N4BP2: variants seen among roughly 807,000 people sequenced by gnomAD.
The protein encoded by N4BP2 is NEDD4-binding protein 2.
A neutral mutation model predicts 152.8 loss-of-function variants in N4BP2; 91 were observed. The observed-to-expected ratio is 0.60, with a 90% CI of 0.50 to 0.71. The LOEUF (loss-of-function observed/expected upper bound fraction) is 0.71, where lower values mean the gene tolerates loss of function less well. N4BP2 is among the 30% of genes least tolerant of loss of function. The pLI is 0.00. For missense variants in N4BP2, 1,923 were observed against 2,059.1 expected, an observed-to-expected ratio of 0.93 and a Z score of 1.28; for synonymous variants, 646 against 705.3, an observed-to-expected ratio of 0.92 and a Z score of 1.33.
At chr4:40,091,981 CAAAAAAAAA>C (rs1189250112) in intron 2 of N4BP2, among the ~76,000 whole-genome samples, 1 of 20,034 alleles carries the variant, frequency 5.0e-5, no homozygotes, top group African/African-American at 1.9e-4. Context: ...GACCTTGTGT[CAAAAAAAAA>C]AAAAAAAAAA....
the N4BP2 span, among the ~76,000 whole-genome samples, chr4:40,168,703 GAATA>G: frequency 6.6e-6 from 1 of 151,468 alleles, no homozygotes; most frequent in Non-Finnish European, 1.5e-5. Context: ...ATTCTTCAGA[GAATA>G]AATATGTATA....
intron 2 of N4BP2, among the ~76,000 whole-genome samples, chr4:40,092,285 T>A (rs1714678974): frequency 1.4e-5 from 2 of 142,026 alleles, no homozygotes; most frequent in African/African-American, 2.5e-5. Flanking sequence ...GCCCTGGAAA[T>A]TTTTTTTTTT....
chr4:40,080,171 G>T (rs919643221), intron 2 of N4BP2, among the ~76,000 whole-genome samples: 1 of 151,908 alleles, frequency 6.6e-6, no homozygotes, highest in African/African-American at 2.4e-5. Flanking sequence ...TATTAATAAG[G>T]AGGCTCTCAT....
intron 1 of N4BP2, among the ~76,000 whole-genome samples, chr4:40,063,988 G>GT (rs2109886703): frequency 6.6e-6 from 1 of 151,756 alleles, no homozygotes; most frequent in African/African-American, 2.4e-5. Context: ...CGGCAGGGGG[G>GT]GGTCTCACTA....
the N4BP2 span, among the ~76,000 whole-genome samples, chr4:40,181,055 C>T: frequency 6.6e-6 from 1 of 152,178 alleles, no homozygotes; most frequent in African/African-American, 2.4e-5. Context: ...GAGGCTGAGA[C>T]AGGAGAATTG....
intron 5 of N4BP2, among the ~76,000 whole-genome samples, chr4:40,108,957 C>T (rs1213494567): frequency 2.6e-5 from 4 of 151,794 alleles, no homozygotes; most frequent in Non-Finnish European, 5.9e-5. Context: ...GCTGGGACTA[C>T]AGGCATATGC....
At chr4:40,129,208 C>T (rs1579097197) in intron 12 of N4BP2, among the ~76,000 whole-genome samples, 1 of 151,830 alleles carries the variant, frequency 6.6e-6, no homozygotes, top group Non-Finnish European at 1.5e-5. Context: ...GTCACGATGC[C>T]CTGCTAGTTT....
chr4:40,096,205 G>A (rs776904639), intron 2 of N4BP2, among the ~76,000 whole-genome samples: 11 of 152,102 alleles, frequency 7.2e-5, no homozygotes, highest in Non-Finnish European at 1.3e-4. Context: ...AATACAATAC[G>A]TATGTAAAAC....
At chr4:40,164,340 T>C in the N4BP2 span, among the ~76,000 whole-genome samples, 1 of 152,260 alleles carries the variant, frequency 6.6e-6, no homozygotes, top group Admixed American at 6.5e-5. Flanking sequence ...TATTTGTTCC[T>C]AAGGGAGTTT....
chr4:40,190,459 A>G, the N4BP2 span, among the ~76,000 whole-genome samples: 2 of 152,346 alleles, frequency 1.3e-5, no homozygotes, highest in South Asian at 4.1e-4. Flanking sequence ...CAATAAACAC[A>G]TGACATTAGA....
At chr4:40,088,485 A>G (rs1714193196) in intron 2 of N4BP2, among the ~76,000 whole-genome samples, 1 of 150,556 alleles carries the variant, frequency 6.6e-6, no homozygotes, top group African/African-American at 2.4e-5. Flanking sequence ...TTGATAGGTA[A>G]GTAATATCTC....
the N4BP2 span, among the ~76,000 whole-genome samples, chr4:40,187,897 GA>G: frequency 5.9e-4 from 90 of 152,274 alleles, no homozygotes; most frequent in Middle Eastern, 0.014. Flanking sequence ...ATTTAAAAAT[GA>G]ATGTCTAAAA....
chr4:40,092,771 G>A lies in N4BP2; in HGVS notation c.-114-4456G>A, dbSNP rs140597170. On this transcript the variant is annotated intron_variant, in intron 2 of 17. Transcript: ENST00000261435. The stretch of plus-strand genomic sequence containing the variant: ...CGATTCTCTTGTCTCAGCCTCCCAA[G>A]TAGCTGGGACTACTGGCGTGCACCA... Among the ~76,000 whole-genome samples, 937 of 151,104 alleles carry A rather than the reference G, an allele frequency of 6.2e-3. 11 individuals are homozygous for A. The highest frequency in any genetic ancestry group is 0.022 in the African/African-American group (901 of 41,098).
chr4:40,131,549 C>T (rs1429950065), intron 12 of N4BP2, among the ~76,000 whole-genome samples: 1 of 151,750 alleles, frequency 6.6e-6, no homozygotes, highest in Non-Finnish European at 1.5e-5. Flanking sequence ...GATGCCCACA[C>T]ATACATGTAT....
intron 2 of N4BP2, among the ~76,000 whole-genome samples, chr4:40,095,085 A>G (rs115170344): frequency 0.021 from 3,153 of 147,654 alleles, 115 homozygotes; most frequent in African/African-American, 0.073. Context: ...CAGGGTTACT[A>G]TATCTTTTTT....
At chr4:40,182,452 A>T in the N4BP2 span, among the ~76,000 whole-genome samples, 3 of 151,896 alleles carry the variant, frequency 2.0e-5, no homozygotes, top group Non-Finnish European at 4.4e-5. Context: ...AGTTCATTTT[A>T]TTTATTTATT....
At chr4:40,075,542 T>A (rs1712646283) in intron 2 of N4BP2, among the ~76,000 whole-genome samples, 1 of 151,886 alleles carries the variant, frequency 6.6e-6, no homozygotes, top group South Asian at 2.1e-4. Flanking sequence ...GGACTACAGG[T>A]GCATGCCACC....
intron 16 of N4BP2, among the ~76,000 whole-genome samples, chr4:40,148,677 A>G (rs1401933775): frequency 6.6e-6 from 1 of 152,200 alleles, no homozygotes; most frequent in Non-Finnish European, 1.5e-5. Context: ...TAAAAGAAAT[A>G]GGAGGTCTCA....
chr4:40,092,010 A>AAAAAAT (rs1560584859), intron 2 of N4BP2, among the ~76,000 whole-genome samples: 2 of 31,378 alleles, frequency 6.4e-5, no homozygotes, highest in African/African-American at 1.2e-4. Flanking sequence ...AAAAAAAATT[A>AAAAAAT]TATATATATA....
Sources: gnomAD v4.1 joint callset for allele counts (sites outside exome capture counted in the v4.1 genomes callset) on GRCh38, gnomAD v4.1.1 for gene constraint, MANE v1.5 for transcripts, NCBI Gene and HGNC (gene_info 2026-07-23, HGNC 2026-07-21) for gene names.